Variants in FCSK observed in about 807,000 individuals in gnomAD.
FCSK encodes the protein fucose kinase.
In FCSK, 123 loss-of-function variants were observed where a neutral mutation model predicts 122.5. That is an observed-to-expected ratio of 1.00 (90% CI 0.87 to 1.17). The LOEUF (loss-of-function observed/expected upper bound fraction) is 1.17. Among genes scored for constraint, FCSK ranks in the 50% most tolerant of loss-of-function variants. The pLI, the probability that FCSK is intolerant of heterozygous loss-of-function variation, is 0.00. For missense variants in FCSK, 1,366 were observed against 1,450.4 expected (o/e 0.94, Z 0.95); for synonymous variants, 620 against 625.5 (o/e 0.99, Z 0.13).
chr16:70,478,164 C>A (rs111503080), intron 20 of FCSK, 108 bp from the exon 21 acceptor site: 1 of 1,081,730 alleles, frequency 9.2e-7, no homozygotes, highest in Non-Finnish European at 1.3e-6. Flanking sequence ...TTGAGGGAAG[C>A]TATCTTTCCA....
chr16:70,470,706 T>C (rs2048585374), intron 11 of FCSK, among the ~76,000 whole-genome samples: 1 of 152,156 alleles, frequency 6.6e-6, no homozygotes, highest in African/African-American at 2.4e-5. Context: ...GTGGTGGGCC[T>C]GGGTCAGTGC....
chr16:70,473,420 C>A lies in FCSK; in HGVS notation c.1777+67C>A. 3 of 1,428,372 alleles carry A rather than the reference C, an allele frequency of 2.1e-6. No homozygotes were observed. The highest frequency in any genetic ancestry group is 2.8e-6 in the Non-Finnish European group (3 of 1,083,684). 88.5% of individuals were successfully genotyped at this position (1,428,372 alleles called of 1,614,324 possible). A position where few individuals can be genotyped will look rare whatever the true frequency, so the allele number is the denominator to read the frequency against. ...GCACCTGCCCTCCCTGTCCTCTGGGCCATCCCCTGAGGGGACTAGGGGACC... is the reference window on the plus strand; with the variant it reads ...GCACCTGCCCTCCCTGTCCTCTGGGACATCCCCTGAGGGGACTAGGGGACC... On this transcript the variant is annotated intron_variant, in intron 15 of 23. Coordinates refer to ENST00000288078, the MANE Select transcript of FCSK (RefSeq NM_145059.3). This position sits in a 1 kb window ranked among gnomAD's most constrained non-coding sequence, Gnocchi z 4.9.
chr16:70,479,046 C>T (rs1386228499), intron 22 of FCSK, 134 bp from the exon 23 acceptor site: 14 of 725,424 alleles, frequency 1.9e-5, no homozygotes, highest in Non-Finnish European at 3.2e-5. Context: ...TTACTCCTGG[C>T]TCCAGCCGGC....
At position 70,467,868 on chromosome 16, in the gene FCSK, G is replaced by A. The variant is rs761789914; in HGVS notation, c.583-18G>A. On this transcript the variant is annotated intron_variant, in intron 7 of 23. Transcript: ENST00000288078. ...CCTTCCTGCTCCCTCCGCTGATTCTGTTTCTCCCTGCACATAGGGCCTTGT... is the reference window on the plus strand; with the variant it reads ...CCTTCCTGCTCCCTCCGCTGATTCTATTTCTCCCTGCACATAGGGCCTTGT... 26 of 1,610,026 alleles carry A rather than the reference G, an allele frequency of 1.6e-5. No homozygotes were observed. In the East Asian group the frequency reaches 5.6e-4, roughly 35 times the overall value.
Position 70,478,576 on chromosome 16 carries a change from G to C in FCSK, c.2855G>C (p.Arg952Pro), listed in dbSNP as rs777607374. 1.2e-6 allele frequency: 2 copies of C among 1,613,626 alleles called. No individual in the cohort carries two copies. The highest frequency in any genetic ancestry group is 2.7e-5 in the African/African-American group (2 of 74,932). ...LQDVLRSWYA[R>P]LPAVVQNAHS... ...GATGTGCTGAGGAGCTGGTATGCCC[G>C]ACTTCCTGCTGTGGTGCAGAATGCC... The change falls in exon 22 of 24, where the codon CGA (arginine) becomes CCA (proline). Residue 952 changes from arginine (R) to proline (P), a missense_variant. By Grantham distance (103) the Arg-to-Pro change is moderately radical. Transcript: ENST00000288078.
Position 70,470,416 on chromosome 16 carries a change from C to G in FCSK, c.1058C>G (p.Ser353Cys), listed in dbSNP as rs559963930. The G allele has an allele frequency of 6.2e-7, 1 of 1,609,902 alleles. No homozygotes were observed. Residue 353 changes from serine (S) to cysteine (C), a missense_variant, in exon 11 of 24, where the codon TCC becomes TGC. Physicochemically the swap from Ser to Cys is moderately radical, Grantham distance 112. Coordinates refer to ENST00000288078, the MANE Select transcript of FCSK (RefSeq NM_145059.3). ...PGAPGAQIVH[S>C]QVEEQQLLAA... ...GCTCCTGGGGCCCAGATTGTGCACT[C>G]CCAGGTGGAGGTGAGACCTCCCTGC...
Position 70,473,265 on chromosome 16 carries a change from G to A in FCSK, c.1689G>A (p.Glu563=). 6.5e-7 allele frequency: 1 copy of A among 1,531,490 alleles called. No individual in the cohort carries two copies. The highest frequency in any genetic ancestry group is 8.8e-7 in the Non-Finnish European group (1 of 1,142,644). 94.9% of individuals were successfully genotyped at this position (1,531,490 alleles called of 1,614,324 possible). The change falls in exon 15 of 24, where the codon GAG becomes GAA. Residue 563 remains glutamate, a synonymous_variant. Coordinates refer to ENST00000288078, the MANE Select transcript of FCSK (RefSeq NM_145059.3). This position sits in a 1 kb window ranked among gnomAD's most constrained non-coding sequence, Gnocchi z 4.9. Reference sequence around the variant, plus strand: ...TGCATAAGGCGCGGCACGTGCTGGAGGCCCGGCAGGACCTCAGCCTGCGCC... The same window carrying A: ...TGCATAAGGCGCGGCACGTGCTGGAAGCCCGGCAGGACCTCAGCCTGCGCC... ...QALHKARHVL[E]ARQDLSLRPL...
At chr16:70,464,523 A>T (rs1045097027) in intron 3 of FCSK, among the ~76,000 whole-genome samples, 4 of 151,952 alleles carry the variant, frequency 2.6e-5, no homozygotes, top group Non-Finnish European at 4.4e-5. Context: ...CTGGTTGCAC[A>T]CACCTGTAAT....
In FCSK at chr16:70,479,682, G is replaced by A; in HGVS notation, c.*2G>A. 1 of 1,613,204 alleles carries A rather than the reference G, an allele frequency of 6.2e-7. No homozygotes were observed. The highest frequency in any genetic ancestry group is 1.1e-5 in the South Asian group (1 of 91,026). ...TCAACCTGTTGCCCTTTCCCATGAA[G>A]CTGGCTTCTCTCTGCAACAGGAGAA... is the stretch of plus-strand genomic sequence containing the variant. On this transcript the variant is annotated 3_prime_UTR_variant, in exon 24 of 24. Coordinates refer to ENST00000288078, the MANE Select transcript of FCSK (RefSeq NM_145059.3).
intron 1 of FCSK, among the ~76,000 whole-genome samples, chr16:70,456,787 G>A (rs964085999): frequency 2.0e-5 from 3 of 152,160 alleles, no homozygotes; most frequent in Non-Finnish European, 2.9e-5. Context: ...TTGGGAGGCC[G>A]AGGCAGGCGG....
rs74613280 is a variant in FCSK, at chr16:70,478,607, C to A, written c.2886C>A (p.Ser962Arg). ...CTGCTGTGGTGCAGAATGCCCACAG[C>A]CTGGTACGGCAAACTGAGGAGTGTG... ...RLPAVVQNAH[S>R]LVRQTEECAE... is the part of the protein sequence containing the mutation. Residue 962 changes from serine (S) to arginine (R), a missense_variant, in exon 22 of 24, where the codon AGC becomes AGA. Transcript: ENST00000288078. 1,547 of 1,613,770 alleles carry A rather than the reference C, an allele frequency of 9.6e-4. 28 individuals are homozygous for A. The East Asian group carries it at 0.023, about 24-fold the overall frequency.
At chr16:70,472,958 G>A (rs781472446) in intron 14 of FCSK, 25 bp from the exon 15 acceptor site, 2 of 1,584,876 alleles carry the variant, frequency 1.3e-6, no homozygotes, top group Non-Finnish European at 1.7e-6. Context: ...TTCCCTCCTG[G>A]GAATGTGCCT....
chr16:70,478,293 T>C lies in FCSK; in HGVS notation c.2663T>C (p.Val888Ala). 6.2e-7 allele frequency: 1 copy of C among 1,614,026 alleles called. No homozygotes were observed. The highest frequency in any genetic ancestry group is 8.5e-7 in the Non-Finnish European group (1 of 1,180,002). ...LTTGGGWQDQ[V>A]GGLMPGIKVG... The stretch of plus-strand genomic sequence containing the variant: ...ACAGGAGGTGGCTGGCAGGACCAAG[T>C]AGGTGGCCTAATGCCTGGCATCAAG... The change falls in exon 21 of 24, where the codon GTA (valine) becomes GCA (alanine). Residue 888 changes from valine (V) to alanine (A), a missense_variant. By Grantham distance (64) the Val-to-Ala change is moderately conservative. Transcript: ENST00000288078.
chr16:70,471,048 C>T lies in FCSK; in HGVS notation c.1146C>T (p.Ser382=), dbSNP rs776919847. 32 of 1,602,104 alleles carry T rather than the reference C, an allele frequency of 2.0e-5. No individual in the cohort carries two copies. Among genetic ancestry groups the T allele is most frequent in the Non-Finnish European group, 2.3e-5 (27 of 1,176,718 alleles). Residue 382 remains serine, a synonymous_variant, in exon 12 of 24, where the codon AGC becomes AGT. Coordinates refer to ENST00000288078, the MANE Select transcript of FCSK (RefSeq NM_145059.3). The part of the protein sequence containing the change: ...LEGPVQLGPG[S]VLQHCHLQGP... ...GCCCTGTCCAGCTGGGTCCTGGGAG[C>T]GTCCTGCAGCACTGCCACCTGCAGG...
At position 70,467,487 on chromosome 16, in the gene FCSK, A is replaced by T. The variant is rs17883840; in HGVS notation, c.582+16A>T. 2 of 1,565,708 alleles carry T rather than the reference A, an allele frequency of 1.3e-6. No homozygotes were observed. The highest frequency in any genetic ancestry group is 3.7e-5 in the Admixed American group (2 of 54,112). ...TGACCCCCAGGTAGTGCCCCTGGGG[A>T]CAGTGGAGCCGGCTGGGGCAGCCTT... On this transcript the variant is annotated intron_variant, in intron 7 of 23. Coordinates refer to ENST00000288078, the MANE Select transcript of FCSK (RefSeq NM_145059.3).
intron 14 of FCSK, 104 bp from the exon 15 acceptor site, chr16:70,472,879 G>T: frequency 7.2e-7 from 1 of 1,380,124 alleles, no homozygotes; most frequent in Middle Eastern, 1.9e-4. Flanking sequence ...TGCTACCTCG[G>T]AGGAGTCTGT....
chr16:70,470,301 T>TA lies in FCSK; in HGVS notation c.956-12dup. The TA allele has an allele frequency of 6.3e-7, 1 of 1,595,898 alleles. No individual in the cohort carries two copies. The highest frequency in any genetic ancestry group is 8.6e-7 in the Non-Finnish European group (1 of 1,164,986). On this transcript the variant is annotated splice_polypyrimidine_tract_variant and intron_variant, in intron 10 of 23. Transcript: ENST00000288078. The stretch of plus-strand genomic sequence containing the variant: ...CAGGCATGGGGTTGGGTTCAGTACT[T>TA]ATGTCTTTACAGCCTATGTCTCCAG...
At chr16:70,472,846 C>T in intron 14 of FCSK, 137 bp from the exon 15 acceptor site, 1 of 1,127,022 alleles carries the variant, frequency 8.9e-7, no homozygotes, top group African/African-American at 1.6e-5. Context: ...GCAGCCTGGC[C>T]CCCGACCTGA....
rs771063449 is a variant in FCSK at position 70,463,230 on chromosome 16, C to T, written c.40C>T (p.Leu14=). 1 of 1,614,104 alleles carries T rather than the reference C, an allele frequency of 6.2e-7. No homozygotes were observed. Among genetic ancestry groups the T allele is most frequent in the South Asian group, 1.1e-5 (1 of 91,074 alleles). Residue 14 remains leucine, a synonymous_variant, in exon 2 of 24, where the codon CTG becomes TTG. Coordinates refer to ENST00000288078, the MANE Select transcript of FCSK (RefSeq NM_145059.3). ...GGGAGTTGATTGGACAGTCATCATC[C>T]TGACCTGCCAGTACAAGGACAGTGT... The part of the protein sequence containing the change: ...PKGVDWTVII[L]TCQYKDSVQV...
Sources: allele counts gnomAD v4.1 joint callset (sites outside exome capture counted in the v4.1 genomes callset), GRCh38; gene constraint gnomAD v4.1.1; non-coding constraint Gnocchi (gnomAD v3.1); transcripts MANE v1.5; gene names NCBI Gene and HGNC (gene_info 2026-07-23, HGNC 2026-07-21).